The following BRINP1 variants were observed in gnomAD, a reference collection of about 807,000 sequenced individuals.
The protein encoded by BRINP1 is BMP/retinoic acid inducible neural specific 1.
Under a neutral mutation model 72.9 loss-of-function variants are expected in BRINP1, and 17 were observed. The observed-to-expected ratio is 0.23, with a 90% CI of 0.16 to 0.35. The LOEUF (loss-of-function observed/expected upper bound fraction) is 0.35. BRINP1 is among the 10% of genes least tolerant of loss of function. BRINP1 has a pLI of 1.00. For synonymous variants in BRINP1, 418 were observed against 378.5 expected (o/e 1.10, Z -1.21); for missense variants, 850 against 1,001.6 (o/e 0.85, Z 2.04).
At chr9:119,296,993 G>A (rs183755040) in intron 2 of BRINP1, among the ~76,000 whole-genome samples, 1 of 152,096 alleles carries the variant, frequency 6.6e-6, no homozygotes, top group African/African-American at 2.4e-5. Flanking sequence ...CTTGAAATTT[G>A]CTAAGAGAAT....
intron 1 of BRINP1, among the ~76,000 whole-genome samples, chr9:119,324,423 CTT>C (rs1831218555): frequency 6.6e-6 from 1 of 152,164 alleles, no homozygotes; most frequent in Non-Finnish European, 1.5e-5. Context: ...TATCATCTGA[CTT>C]TAACTAAAAT....
chr9:119,219,283 G>A (rs1361852437), intron 5 of BRINP1, among the ~76,000 whole-genome samples: 2 of 152,002 alleles, frequency 1.3e-5, no homozygotes, highest in African/African-American at 2.4e-5. Context: ...TCATTACCTG[G>A]ACCAAACTTG....
chr9:119,285,070 G>A lies in BRINP1; in HGVS notation c.218+28068C>T, dbSNP rs1830745824. ...AAACAAGCAAAGCTTAGCTTGTCCCGGGTTCATTTTGCCTGCCACTGAGAA... is the reference window on the plus strand; with the variant it reads ...AAACAAGCAAAGCTTAGCTTGTCCCAGGTTCATTTTGCCTGCCACTGAGAA... On this transcript the variant is annotated intron_variant, in intron 2 of 7. Transcript: ENST00000265922. 3.3e-5 allele frequency among the ~76,000 whole-genome samples: 5 copies of A among 152,118 alleles called. No homozygotes were observed. The South Asian group carries it at 8.3e-4, about 25-fold the overall frequency.
chr9:119,257,693 C>T (rs1471328801), intron 2 of BRINP1, among the ~76,000 whole-genome samples: 1 of 152,176 alleles, frequency 6.6e-6, no homozygotes, highest in East Asian at 1.9e-4. Flanking sequence ...CAAGGGGAAT[C>T]ACAGAGGAGA....
chr9:119,280,204 T>C (rs1830695346), intron 2 of BRINP1, among the ~76,000 whole-genome samples: 1 of 152,062 alleles, frequency 6.6e-6, no homozygotes, highest in Non-Finnish European at 1.5e-5. Flanking sequence ...TGCAGTTGGT[T>C]GTAGACAGTG....
intron 2 of BRINP1, 76 bp from the exon 3 acceptor site, chr9:119,249,226 C>T: frequency 7.2e-7 from 1 of 1,396,712 alleles, no homozygotes; most frequent in Non-Finnish European, 9.8e-7. Flanking sequence ...AACCATCCAT[C>T]CAGGCATCTC....
At chr9:119,286,177 T>G (rs1295958735) in intron 2 of BRINP1, among the ~76,000 whole-genome samples, 1 of 152,132 alleles carries the variant, frequency 6.6e-6, no homozygotes, top group Non-Finnish European at 1.5e-5. Context: ...TTTTCCACTA[T>G]GAACAATATA....
chr9:119,259,533 A>G (rs1325167865), intron 2 of BRINP1, among the ~76,000 whole-genome samples: 2 of 152,160 alleles, frequency 1.3e-5, no homozygotes, highest in South Asian at 2.1e-4. Flanking sequence ...TGTTGACTCA[A>G]TTTGTCTCTT....
At chr9:119,365,717 C>G (rs1411396803) in intron 1 of BRINP1, among the ~76,000 whole-genome samples, 1 of 152,084 alleles carries the variant, frequency 6.6e-6, no homozygotes, top group Non-Finnish European at 1.5e-5. Context: ...TTTTACAATT[C>G]TTGCCTGTAC....
chr9:119,346,482 C>T (rs1467266226), intron 1 of BRINP1, among the ~76,000 whole-genome samples: 1 of 152,114 alleles, frequency 6.6e-6, no homozygotes, highest in Non-Finnish European at 1.5e-5. Context: ...TTTTAACCAC[C>T]AACAAGAAAC....
At chr9:119,209,910 C>A (rs1170885864) in intron 6 of BRINP1, among the ~76,000 whole-genome samples, 3 of 152,218 alleles carry the variant, frequency 2.0e-5, no homozygotes, top group African/African-American at 7.2e-5. Flanking sequence ...CATCTAGCAT[C>A]AACTCACATT....
At chr9:119,193,860 C>T (rs527760237) in intron 7 of BRINP1, among the ~76,000 whole-genome samples, 2 of 152,272 alleles carry the variant, frequency 1.3e-5, no homozygotes, top group South Asian at 4.1e-4. Context: ...GTGGCTTTGA[C>T]CAATGTAGTA....
intron 6 of BRINP1, chr9:119,213,709 T>C (rs772372049): frequency 2.1e-4 from 135 of 632,014 alleles, no homozygotes; most frequent in Non-Finnish European, 3.5e-4. Flanking sequence ...GACCACAAAC[T>C]GGATTATGCT....
intron 2 of BRINP1, among the ~76,000 whole-genome samples, chr9:119,253,792 T>G (rs1588179012): frequency 6.6e-6 from 1 of 152,120 alleles, no homozygotes; most frequent in Admixed American, 6.5e-5. Context: ...CTGTAATACA[T>G]AAATGATAAG....
chr9:119,323,245 G>A (rs981109539), intron 1 of BRINP1, among the ~76,000 whole-genome samples: 1 of 152,162 alleles, frequency 6.6e-6, no homozygotes, highest in Non-Finnish European at 1.5e-5. Flanking sequence ...ATGGAGGATT[G>A]GTGTCTAACT....
chr9:119,223,360 G>C (rs1830059881), intron 5 of BRINP1, among the ~76,000 whole-genome samples: 1 of 152,008 alleles, frequency 6.6e-6, no homozygotes, highest in African/African-American at 2.4e-5. Context: ...AATAGCACTT[G>C]TGGAGCTCTT....
intron 1 of BRINP1, among the ~76,000 whole-genome samples, chr9:119,351,079 C>G (rs1047241175): frequency 2.0e-5 from 3 of 152,062 alleles, no homozygotes; most frequent in African/African-American, 7.2e-5. Flanking sequence ...GCCCCCCAAC[C>G]CCCGACAGGC....
At chr9:119,279,606 C>T (rs1830688507) in intron 2 of BRINP1, among the ~76,000 whole-genome samples, 1 of 152,200 alleles carries the variant, frequency 6.6e-6, no homozygotes, top group South Asian at 2.1e-4. Flanking sequence ...AAGCCTCGTT[C>T]ACATTAATTG....
At chr9:119,226,085 A>G (rs10120273) in intron 5 of BRINP1, among the ~76,000 whole-genome samples, 14,769 of 152,088 alleles carry the variant, frequency 0.097, 883 homozygotes, top group African/African-American at 0.17. Context: ...GTACAATTGT[A>G]CACATAAGAC....
Sources: allele counts gnomAD v4.1 joint callset (sites outside exome capture counted in the v4.1 genomes callset), GRCh38; gene constraint gnomAD v4.1.1; transcripts MANE v1.5; gene names NCBI Gene and HGNC (gene_info 2026-07-23, HGNC 2026-07-21).